CFAP161: variants seen among roughly 807,000 people sequenced by gnomAD.
The protein encoded by CFAP161 is cilia- and flagella-associated protein 161.
CFAP161 carries 25 observed loss-of-function variants against 29.0 expected under a neutral mutation model. The ratio of observed to expected loss-of-function variants is 0.86; its 90% CI spans 0.63 to 1.20. The LOEUF (loss-of-function observed/expected upper bound fraction) is 1.20, where lower values mean the gene tolerates loss of function less well. Ranked by LOEUF, CFAP161 falls within the 50% of genes most tolerant of loss-of-function variation. The pLI, the probability that CFAP161 is intolerant of heterozygous loss-of-function variation, is 0.00. For synonymous variants in CFAP161, 116 were observed against 137.4 expected, an observed-to-expected ratio of 0.84 and a Z score of 1.09; for missense variants, 367 against 371.9, an observed-to-expected ratio of 0.99 and a Z score of 0.11.
At chr15:81,136,980 G>A (rs150138387) in intron 3 of CFAP161, among the ~76,000 whole-genome samples, 10 of 152,234 alleles carry the variant, frequency 6.6e-5, no homozygotes, top group African/African-American at 2.4e-4. Context: ...TAAATCATGA[G>A]TATAGGATCC....
chr15:81,133,223 A>ATTTTTT (rs1555449903), upstream of CFAP161, among the ~76,000 whole-genome samples: 1 of 25,708 alleles, frequency 3.9e-5, no homozygotes, highest in African/African-American at 1.2e-4. Context: ...ATATATATAT[A>ATTTTTT]TGTATTTTTT....
At chr15:81,117,922 G>A (rs193277965) in intron 1 of CFAP161, 4 of 430,668 alleles carry the variant, frequency 9.3e-6, no homozygotes, top group African/African-American at 6.3e-5. Flanking sequence ...CTGGGCATCT[G>A]AGTCAGGGGC....
intron 4 of CFAP161, among the ~76,000 whole-genome samples, chr15:81,142,986 G>A (rs1894938135): frequency 6.6e-6 from 1 of 152,174 alleles, no homozygotes; most frequent in Non-Finnish European, 1.5e-5. Flanking sequence ...TTCACGTGAT[G>A]AGTTTAATGC....
chr15:81,130,244 T>A (rs112041482), upstream of CFAP161, among the ~76,000 whole-genome samples: 1 of 152,226 alleles, frequency 6.6e-6, no homozygotes, highest in African/African-American at 2.4e-5. Context: ...ACAGGCTGTT[T>A]TACTTTCTTA....
In CFAP161 at chr15:81,127,537, A is replaced by C. The variant is rs2141872580; in HGVS notation, c.-141-53A>C. 3 of 152,326 alleles carry C rather than the reference A, an allele frequency of 2.0e-5. 1 individual carries two copies. The South Asian group carries it at 6.2e-4, about 32-fold the overall frequency. The allele number at this position is 152,326 out of a possible 1,614,324, so 9.4% of individuals were successfully genotyped here. ...CAGAAAGGACATATCAGAAAAGGCAAAAAGTCTTTTTTCATCCCAAGAATG... is the reference window on the plus strand; with the variant it reads ...CAGAAAGGACATATCAGAAAAGGCACAAAGTCTTTTTTCATCCCAAGAATG... On this transcript the variant is annotated intron_variant, in intron 1 of 4. Coordinates refer to the CFAP161 transcript ENST00000560091.
At chr15:81,104,944 C>T (rs1054516508) in intron 1 of CFAP161, among the ~76,000 whole-genome samples, 1 of 152,068 alleles carries the variant, frequency 6.6e-6, no homozygotes, top group East Asian at 1.9e-4. Flanking sequence ...AGGCCAGAAA[C>T]CTGTTACCAA....
chr15:81,106,295 C>T (rs779475874), intron 1 of CFAP161, among the ~76,000 whole-genome samples: 1 of 152,170 alleles, frequency 6.6e-6, no homozygotes, highest in Non-Finnish European at 1.5e-5. Context: ...GGATTATTTG[C>T]AGGAGTGAAA....
intron 4 of CFAP161, 103 bp downstream of exon 4, chr15:81,138,238 G>GA: frequency 1.1e-6 from 1 of 933,962 alleles, no homozygotes; most frequent in Non-Finnish European, 1.7e-6. Context: ...CAGAGTCATG[G>GA]GCTCCACCTC....
intron 1 of CFAP161, among the ~76,000 whole-genome samples, chr15:81,103,750 C>G (rs1894329706): frequency 6.6e-6 from 1 of 152,148 alleles, no homozygotes; most frequent in Non-Finnish European, 1.5e-5. Context: ...AACTTGAAGC[C>G]AGAAGGTCAC....
chr15:81,130,768 T>C (rs1894700856), upstream of CFAP161, among the ~76,000 whole-genome samples: 1 of 152,188 alleles, frequency 6.6e-6, no homozygotes. Context: ...ACTTGAACAC[T>C]TAGTGGCCAT....
chr15:81,142,656 AGGATAGTAACTCATCTCT>A (rs2141883760), intron 4 of CFAP161, among the ~76,000 whole-genome samples: 1 of 152,326 alleles, frequency 6.6e-6, no homozygotes, highest in Non-Finnish European at 1.5e-5. Flanking sequence ...GAACCTCATG[AGGATAGTAACTCATCTCT>A]GCCTTCCCCA....
At chr15:81,122,522 A>T (rs1348445578) in intron 1 of CFAP161, among the ~76,000 whole-genome samples, 13 of 133,612 alleles carry the variant, frequency 9.7e-5, no homozygotes, top group South Asian at 2.4e-4. Flanking sequence ...ATGGAATTTC[A>T]CTCTTGTTGC....
intron 6 of CFAP161, among the ~76,000 whole-genome samples, 158 bp downstream of exon 6, chr15:81,148,089 T>C (rs940791773): frequency 6.6e-6 from 1 of 152,166 alleles, no homozygotes; most frequent in Admixed American, 6.5e-5. Flanking sequence ...TGAAAAATCC[T>C]ATTAGAGCCC....
chr15:81,128,468 C>A (rs1241090783), intron 2 of CFAP161, among the ~76,000 whole-genome samples: 1 of 152,214 alleles, frequency 6.6e-6, no homozygotes. Flanking sequence ...TCATAAGCAG[C>A]AACTCCTCCT....
chr15:81,130,562 T>G (rs1417904019), upstream of CFAP161, among the ~76,000 whole-genome samples: 1 of 152,150 alleles, frequency 6.6e-6, no homozygotes, highest in Non-Finnish European at 1.5e-5. Flanking sequence ...TAGCTGGGTG[T>G]GGTGGCATGC....
intron 5 of CFAP161, 100 bp from the exon 6 acceptor site, chr15:81,147,758 A>G: frequency 1.6e-6 from 1 of 638,938 alleles, no homozygotes; most frequent in Non-Finnish European, 2.6e-6. Flanking sequence ...AAATAAATGT[A>G]TAGTATAATC....
At chr15:81,147,278 C>A (rs751892272) in intron 5 of CFAP161, among the ~76,000 whole-genome samples, 5 of 152,000 alleles carry the variant, frequency 3.3e-5, no homozygotes, top group Non-Finnish European at 5.9e-5. Context: ...TTCTTTCTTT[C>A]TTCCTCTCCC....
chr15:81,132,931 A>G (rs537720715), upstream of CFAP161, among the ~76,000 whole-genome samples: 1 of 152,126 alleles, frequency 6.6e-6, no homozygotes, highest in South Asian at 2.1e-4. Context: ...TATCTGATCT[A>G]ACTGCTTTGT....
At chr15:81,114,726 C>T (rs891855621) in intron 1 of CFAP161, among the ~76,000 whole-genome samples, 1 of 152,108 alleles carries the variant, frequency 6.6e-6, no homozygotes, top group African/African-American at 2.4e-5. Flanking sequence ...TGCAGTGGCG[C>T]GATCTCGGCT....
Sources: allele counts gnomAD v4.1 joint callset (sites outside exome capture counted in the v4.1 genomes callset), GRCh38; gene constraint gnomAD v4.1.1; transcripts MANE v1.5; gene names NCBI Gene and HGNC (gene_info 2026-07-23, HGNC 2026-07-21).